MALRD1: variants seen among roughly 807,000 people sequenced by gnomAD.
MALRD1 encodes the protein MAM and LDL receptor class A domain containing 1.
A neutral mutation model predicts 242.1 loss-of-function variants in MALRD1; 247 were observed. That is an observed-to-expected ratio of 1.02 (90% CI 0.92 to 1.13). The LOEUF is 1.13. Among genes scored for constraint, MALRD1 ranks in the 50% most tolerant of loss-of-function variants. MALRD1 has a pLI of 0.00. For missense variants in MALRD1, 2,989 were observed against 2,533.1 expected, an observed-to-expected ratio of 1.18 and a Z score of -3.86; for synonymous variants, 995 against 866.6, an observed-to-expected ratio of 1.15 and a Z score of -2.60.
At chr10:19,670,071 C>T (rs1306358886) in intron 36 of MALRD1, among the ~76,000 whole-genome samples, 1 of 134,610 alleles carries the variant, frequency 7.4e-6, no homozygotes, top group Non-Finnish European at 1.5e-5. Flanking sequence ...CACGTGCACA[C>T]ACACACACAC....
chr10:19,221,250 G>A (rs1837543756), intron 18 of MALRD1, among the ~76,000 whole-genome samples: 1 of 151,822 alleles, frequency 6.6e-6, no homozygotes, highest in African/African-American at 2.4e-5. Context: ...AAATATCGTA[G>A]GACTATGTTT....
At chr10:19,145,693 G>T (rs1315133217) in intron 10 of MALRD1, among the ~76,000 whole-genome samples, 1 of 150,096 alleles carries the variant, frequency 6.7e-6, no homozygotes, top group African/African-American at 2.4e-5. Flanking sequence ...CACCAGCTCA[G>T]TTCCGAATAT....
chr10:19,072,122 C>T (rs1042216555), intron 2 of MALRD1, among the ~76,000 whole-genome samples: 1 of 152,158 alleles, frequency 6.6e-6, no homozygotes, highest in Non-Finnish European at 1.5e-5. Flanking sequence ...AAGCTCACAA[C>T]GTGACAAGGA....
intron 14 of MALRD1, among the ~76,000 whole-genome samples, chr10:19,176,453 C>A (rs71491156): frequency 0.039 from 5,442 of 139,470 alleles, 215 homozygotes; most frequent in East Asian, 0.14. Flanking sequence ...CGGCTCACTG[C>A]AAGCTCCGCT....
chr10:19,278,014 G>A (rs550436261), intron 19 of MALRD1, among the ~76,000 whole-genome samples: 1 of 152,194 alleles, frequency 6.6e-6, no homozygotes, highest in African/African-American at 2.4e-5. Context: ...TCTTGAAATA[G>A]ACATTTTATA....
chr10:19,676,879 A>C (rs999552490), intron 36 of MALRD1, among the ~76,000 whole-genome samples: 3 of 152,028 alleles, frequency 2.0e-5, no homozygotes, highest in Non-Finnish European at 4.4e-5. Flanking sequence ...ATGTGTTCTC[A>C]TTGTTCAGCT....
chr10:19,163,509 A>T (rs1834533745), intron 12 of MALRD1, among the ~76,000 whole-genome samples: 1 of 146,644 alleles, frequency 6.8e-6, no homozygotes, highest in African/African-American at 2.5e-5. Context: ...TTTAGGGGGG[A>T]GGGTGGAGGA....
At chr10:19,442,754 C>A (rs974874376) in intron 28 of MALRD1, among the ~76,000 whole-genome samples, 9 of 152,148 alleles carry the variant, frequency 5.9e-5, no homozygotes, top group Non-Finnish European at 1.2e-4. Context: ...CATCGAGGTT[C>A]ATCAGAGATA....
chr10:19,704,424 G>T (rs750041217), intron 38 of MALRD1, among the ~76,000 whole-genome samples: 1 of 152,142 alleles, frequency 6.6e-6, no homozygotes, highest in Non-Finnish European at 1.5e-5. Flanking sequence ...AAGATCTGGA[G>T]CCTCTTTGCC....
At chr10:19,465,123 G>A (rs541685997) in intron 29 of MALRD1, among the ~76,000 whole-genome samples, 1 of 152,060 alleles carries the variant, frequency 6.6e-6, no homozygotes, top group Non-Finnish European at 1.5e-5. Flanking sequence ...AGTCTTTAGG[G>A]TTCTCTAGGT....
chr10:19,127,983 G>A (rs1019101386), intron 7 of MALRD1, among the ~76,000 whole-genome samples: 6 of 152,022 alleles, frequency 3.9e-5, no homozygotes, highest in African/African-American at 9.7e-5. Flanking sequence ...TTACAAAAGG[G>A]TGTTATCAAA....
In MALRD1 at chr10:19,595,092, A is replaced by C. The variant is rs982277835; in HGVS notation, c.5681-102A>C. 1.1e-5 allele frequency: 13 copies of C among 1,196,680 alleles called. No individual in the cohort carries two copies. The Admixed American group carries it at 3.8e-4, about 35-fold the overall frequency. 74.1% of individuals were successfully genotyped at this position (1,196,680 alleles called of 1,614,324 possible). On this transcript the variant is annotated intron_variant, in intron 33 of 39. Transcript: ENST00000454679. ...AGAAATTAATTTACTTCAATTAATA[A>C]AATTCATTTTATACAATAAGAAATG... is the stretch of plus-strand genomic sequence containing the variant.
intron 32 of MALRD1, among the ~76,000 whole-genome samples, chr10:19,552,355 G>A (rs528479407): frequency 2.0e-5 from 3 of 152,176 alleles, no homozygotes; most frequent in African/African-American, 4.8e-5. Context: ...TAGTTCATGT[G>A]CATAGAGGTA....
At chr10:19,120,499 A>G (rs140575246) in intron 5 of MALRD1, among the ~76,000 whole-genome samples, 63 of 152,314 alleles carry the variant, frequency 4.1e-4, no homozygotes, top group African/African-American at 1.3e-3. Flanking sequence ...ATGAACCTCA[A>G]AAACATTTTG....
At chr10:19,309,824 G>A (rs1286221339) in intron 21 of MALRD1, among the ~76,000 whole-genome samples, 1 of 151,364 alleles carries the variant, frequency 6.6e-6, no homozygotes, top group African/African-American at 2.4e-5. Flanking sequence ...TATTAATTAG[G>A]GCCCAGGCGG....
intron 12 of MALRD1, among the ~76,000 whole-genome samples, chr10:19,160,459 G>A (rs1834348930): frequency 1.5e-5 from 1 of 67,326 alleles, no homozygotes; most frequent in Non-Finnish European, 2.9e-5. Flanking sequence ...TTTGGTATCA[G>A]AATGATGCTG....
At chr10:19,314,698 C>A (rs1022951142) in intron 21 of MALRD1, among the ~76,000 whole-genome samples, 1 of 151,472 alleles carries the variant, frequency 6.6e-6, no homozygotes, top group African/African-American at 2.4e-5. Flanking sequence ...CATAGCCATA[C>A]CACTCTTTTA....
At chr10:19,189,005 T>G (rs1835858343) in intron 14 of MALRD1, among the ~76,000 whole-genome samples, 1 of 151,706 alleles carries the variant, frequency 6.6e-6, no homozygotes, top group Admixed American at 6.6e-5. Flanking sequence ...TTGGTAAAAT[T>G]GACAAACCTT....
intron 36 of MALRD1, among the ~76,000 whole-genome samples, chr10:19,668,563 A>C (rs1203551770): frequency 6.6e-6 from 1 of 152,234 alleles, no homozygotes; most frequent in African/African-American, 2.4e-5. Flanking sequence ...TTCTGATAGA[A>C]AAATATAACC....
Sources: allele counts gnomAD v4.1 joint callset (sites outside exome capture counted in the v4.1 genomes callset), GRCh38; gene constraint gnomAD v4.1.1; transcripts MANE v1.5; gene names NCBI Gene and HGNC (gene_info 2026-07-23, HGNC 2026-07-21).